PRKAR1A: variants seen among roughly 807,000 people sequenced by gnomAD.
The protein encoded by PRKAR1A is cAMP-dependent protein kinase type I-alpha regulatory subunit.
A neutral mutation model predicts 52.0 loss-of-function variants in PRKAR1A; 3 were observed. That is an observed-to-expected ratio of 0.06 (90% confidence interval 0.03 to 0.15). The LOEUF is 0.15. PRKAR1A is among the 10% of genes least tolerant of loss of function. The pLI is 1.00. For missense variants in PRKAR1A, 240 were observed against 477.4 expected (o/e 0.50, Z 4.63); for synonymous variants, 188 against 168.4 (o/e 1.12, Z -0.90).
the PRKAR1A span, chr17:68,452,874 C>A: frequency 1.3e-6 from 2 of 1,593,750 alleles, no homozygotes; most frequent in Non-Finnish European, 1.7e-6. Context: ...TCTGGTTCTC[C>A]TGCAGATCCC....
intron 7 of PRKAR1A, among the ~76,000 whole-genome samples, chr17:68,526,934 C>T (rs111666618): frequency 2.4e-4 from 36 of 152,252 alleles, no homozygotes; most frequent in African/African-American, 7.9e-4. Context: ...CACAAAAAAA[C>T]GCTTATGGCA....
At chr17:68,484,683 G>A in the PRKAR1A span, among the ~76,000 whole-genome samples, 1 of 152,254 alleles carries the variant, frequency 6.6e-6, no homozygotes, top group African/African-American at 2.4e-5. Flanking sequence ...TTTCACAGAT[G>A]TCCTTTAACA....
intron 11 of PRKAR1A, chr17:68,540,753 C>T (rs2086249266): frequency 6.8e-7 from 1 of 1,467,100 alleles, no homozygotes; most frequent in Non-Finnish European, 9.3e-7. Context: ...ACTCAGTCCT[C>T]ATGAACCAGG....
the PRKAR1A span, chr17:68,448,304 C>T: frequency 6.6e-6 from 1 of 152,196 alleles, no homozygotes; most frequent in African/African-American, 2.4e-5. Flanking sequence ...ACTTCCCAGA[C>T]CTGTTTCAAA....
chr17:68,435,334 G>T, the PRKAR1A span, among the ~76,000 whole-genome samples: 1 of 152,180 alleles, frequency 6.6e-6, no homozygotes, highest in Admixed American at 6.5e-5. Flanking sequence ...TGTAGCATTT[G>T]TCCGTCTCTA....
rs773554835 is a variant in PRKAR1A at position 68,539,392 on chromosome 17, C to T, written c.973+9391C>T. 1.5e-5 allele frequency: 25 copies of T among 1,614,000 alleles called. No individual in the cohort carries two copies. Among genetic ancestry groups the T allele is most frequent in the African/African-American group, 5.3e-5 (4 of 74,902 alleles). On this transcript the variant is annotated intron_variant, in intron 11 of 11. Coordinates refer to the PRKAR1A transcript ENST00000585981. ...GAGATTTCATCATGGGAGTGTCGTC[C>T]GAACCTAGGAGGAGAAACAGGCTTT... is the stretch of plus-strand genomic sequence containing the variant.
At chr17:68,497,575 A>G in the PRKAR1A span, among the ~76,000 whole-genome samples, 1 of 152,220 alleles carries the variant, frequency 6.6e-6, no homozygotes, top group Non-Finnish European at 1.5e-5. Flanking sequence ...CTGTACTGAC[A>G]GCCCTAGGAG....
chr17:68,484,501 T>C, the PRKAR1A span, among the ~76,000 whole-genome samples: 1 of 152,024 alleles, frequency 6.6e-6, no homozygotes, highest in Non-Finnish European at 1.5e-5. Context: ...ACAATTTTAC[T>C]TCTTCCTTTC....
intron 9 of PRKAR1A, 59 bp downstream of exon 9, chr17:68,529,050 C>G: frequency 1.9e-6 from 3 of 1,603,908 alleles, no homozygotes; most frequent in Non-Finnish European, 2.6e-6. Context: ...GAATTTAATA[C>G]TTTAAAAAGT....
downstream of PRKAR1A, among the ~76,000 whole-genome samples, chr17:68,534,004 T>C (rs188317517): frequency 1.5e-4 from 23 of 152,306 alleles, no homozygotes; most frequent in Admixed American, 7.2e-4. Flanking sequence ...GCATTACAGG[T>C]GTGAGCCAGC....
At chr17:68,521,659 T>A (rs1397760809) in intron 2 of PRKAR1A, among the ~76,000 whole-genome samples, 1 of 152,232 alleles carries the variant, frequency 6.6e-6, no homozygotes, top group Non-Finnish European at 1.5e-5. Context: ...AAAACCATAT[T>A]TTAAAAAGTA....
At chr17:68,520,192 GC>G (rs1369318126) in intron 2 of PRKAR1A, among the ~76,000 whole-genome samples, 4 of 152,220 alleles carry the variant, frequency 2.6e-5, no homozygotes, top group African/African-American at 9.6e-5. Context: ...CCATGGTATG[GC>G]ATGTCCACTT....
chr17:68,550,527 C>A (rs916499447), intron 11 of PRKAR1A, among the ~76,000 whole-genome samples: 1 of 151,946 alleles, frequency 6.6e-6, no homozygotes. Flanking sequence ...ACTGCATACA[C>A]GCACCACCAT....
chr17:68,426,247 A>AGGGGGGGGGGGGGGGGGGGG, the PRKAR1A span: 1 of 655,804 alleles, frequency 1.5e-6, no homozygotes, highest in Non-Finnish European at 2.3e-6. Context: ...GCGGGTGGGG[A>AGGGGGGGGGGGGGGGGGGGG]GCGGGGGCTC....
the PRKAR1A span, among the ~76,000 whole-genome samples, chr17:68,487,115 G>A: frequency 7.9e-5 from 12 of 151,988 alleles, no homozygotes; most frequent in South Asian, 2.1e-4. Flanking sequence ...CTCGTGATCC[G>A]CCCGCCTCGG....
At chr17:68,415,315 G>A in the PRKAR1A span, among the ~76,000 whole-genome samples, 1 of 152,126 alleles carries the variant, frequency 6.6e-6, no homozygotes, top group Non-Finnish European at 1.5e-5. Flanking sequence ...TAATTTCCAT[G>A]TATTTGCATG....
At position 68,544,831 on chromosome 17, in the gene PRKAR1A, T is replaced by C. The variant is rs759369266; in HGVS notation, c.974-6253T>C. The stretch of plus-strand genomic sequence containing the variant: ...CCTGAGTCCCATCTGTAGGAACATA[T>C]CATCTTTCAGACACCTTTTAGGTTC... On this transcript the variant is annotated intron_variant, in intron 11 of 11. Transcript: ENST00000585981. Among the ~76,000 whole-genome samples, 7 of 152,234 alleles carry C rather than the reference T, an allele frequency of 4.6e-5. No individual in the cohort carries two copies. The East Asian group carries it at 5.8e-4, about 13-fold the overall frequency.
At chr17:68,466,472 T>C in the PRKAR1A span, among the ~76,000 whole-genome samples, 1 of 143,740 alleles carries the variant, frequency 7.0e-6, no homozygotes, top group South Asian at 2.2e-4. Flanking sequence ...AGTGCAGTGG[T>C]GCGATCTCGG....
upstream of PRKAR1A, among the ~76,000 whole-genome samples, chr17:68,510,697 C>G (rs2085252384): frequency 6.6e-6 from 1 of 152,162 alleles, no homozygotes; most frequent in South Asian, 2.1e-4. Context: ...TCTTTTATCC[C>G]CATTTCTGAT....
Sources: gnomAD v4.1 joint callset for allele counts (sites outside exome capture counted in the v4.1 genomes callset) on GRCh38, gnomAD v4.1.1 for gene constraint, MANE v1.5 for transcripts, NCBI Gene and HGNC (gene_info 2026-07-23, HGNC 2026-07-21) for gene names.